Variants in TBC1D1 observed in about 807,000 individuals in gnomAD.
TBC1D1 encodes TBC1 domain family member 1.
TBC1D1 carries 89 observed loss-of-function variants against 125.6 expected under a neutral mutation model. That is an observed-to-expected ratio of 0.71 (90% CI 0.60 to 0.85). TBC1D1 has a LOEUF of 0.85. TBC1D1 is among the 40% of genes least tolerant of loss of function. The pLI is 0.00. For synonymous variants in TBC1D1, 565 were observed against 564.1 expected, an observed-to-expected ratio of 1.00 and a Z score of -0.02; for missense variants, 1,377 against 1,469.2, an observed-to-expected ratio of 0.94 and a Z score of 1.03.
intron 7 of TBC1D1, among the ~76,000 whole-genome samples, chr4:38,028,582 A>G (rs905755119): frequency 2.0e-5 from 3 of 152,264 alleles, no homozygotes; most frequent in Admixed American, 6.5e-5. Context: ...TAGAGTGTCC[A>G]GGTCAGAATT....
At chr4:38,070,102 C>T (rs1374425855) in intron 12 of TBC1D1, among the ~76,000 whole-genome samples, 4 of 152,082 alleles carry the variant, frequency 2.6e-5, no homozygotes, top group Non-Finnish European at 5.9e-5. Flanking sequence ...GCTTGTCAAC[C>T]GAAGGCAGAA....
chr4:38,119,298 T>G (rs1352073048), intron 17 of TBC1D1, among the ~76,000 whole-genome samples: 1 of 150,218 alleles, frequency 6.7e-6, no homozygotes, highest in Non-Finnish European at 1.5e-5. Flanking sequence ...TTTACCCTTC[T>G]TCTCTCTTTT....
chr4:38,060,776 GTCT>G, intron 12 of TBC1D1: 3 of 563,508 alleles, frequency 5.3e-6, no homozygotes, highest in Non-Finnish European at 8.3e-6. Flanking sequence ...TGTGCTTGGA[GTCT>G]TCTGGAAATC....
At chr4:38,131,839 A>T (rs1463765459) in intron 18 of TBC1D1, among the ~76,000 whole-genome samples, 1 of 152,230 alleles carries the variant, frequency 6.6e-6, no homozygotes, top group African/African-American at 2.4e-5. Context: ...CCTCGCACAC[A>T]TGCACACACA....
chr4:37,986,410 C>T (rs1735461434), intron 2 of TBC1D1, among the ~76,000 whole-genome samples: 1 of 152,166 alleles, frequency 6.6e-6, no homozygotes, highest in South Asian at 2.1e-4. Context: ...CTATGCACAT[C>T]TATCAAACAA....
chr4:37,994,259 A>G (rs1737275050), intron 2 of TBC1D1, among the ~76,000 whole-genome samples: 1 of 152,182 alleles, frequency 6.6e-6, no homozygotes, highest in Non-Finnish European at 1.5e-5. Flanking sequence ...GGTTTTTATA[A>G]TATATTCAAA....
At chr4:37,991,273 A>C (rs1020910974) in intron 2 of TBC1D1, among the ~76,000 whole-genome samples, 22 of 152,232 alleles carry the variant, frequency 1.4e-4, no homozygotes, top group Admixed American at 1.2e-3. Flanking sequence ...CCTTCTCAAA[A>C]ACATCATTTT....
At chr4:38,117,713 G>A (rs1358910377) in intron 16 of TBC1D1, among the ~76,000 whole-genome samples, 1 of 152,198 alleles carries the variant, frequency 6.6e-6, no homozygotes, top group African/African-American at 2.4e-5. Flanking sequence ...GTATTTGTAA[G>A]AGAATTTATG....
intron 8 of TBC1D1, among the ~76,000 whole-genome samples, chr4:38,037,752 G>A (rs10222927): frequency 0.029 from 4,345 of 152,290 alleles, 177 homozygotes; most frequent in African/African-American, 0.083. Flanking sequence ...AGTGCTGTGC[G>A]TGTCAGGGTC....
intron 1 of TBC1D1, among the ~76,000 whole-genome samples, chr4:37,895,850 G>A (rs1379167161): frequency 1.3e-5 from 2 of 152,210 alleles, no homozygotes; most frequent in African/African-American, 4.8e-5. Context: ...TCCATGCAAT[G>A]GTGAAACAGC....
intron 12 of TBC1D1, among the ~76,000 whole-genome samples, chr4:38,057,450 G>A (rs1420364807): frequency 1.3e-5 from 2 of 152,156 alleles, no homozygotes; most frequent in African/African-American, 4.8e-5. Flanking sequence ...GCTGCTAAAG[G>A]CAGGCAAGTC....
Position 38,011,340 on chromosome 4 carries a change from C to T in TBC1D1, c.418-3169C>T, listed in dbSNP as rs375256133. Among the ~76,000 whole-genome samples, 10 of 137,660 alleles carry T rather than the reference C, an allele frequency of 7.3e-5. No individual in the cohort carries two copies. In the East Asian group the frequency reaches 1.7e-3, roughly 23 times the overall value. 90.3% of individuals were successfully genotyped at this position (137,660 alleles called of 152,430 possible). A position where few individuals can be genotyped will look rare whatever the true frequency, so the allele number is the denominator to read the frequency against. On this transcript the variant is annotated intron_variant, in intron 2 of 19. Coordinates refer to ENST00000261439, the MANE Select transcript of TBC1D1 (RefSeq NM_015173.4). ...TGCACTCCAGCCTGGGCAACAAGAG[C>T]GAAACTCCATCTCAAAAAAAAAAAA...
At chr4:37,944,509 T>C (rs1726248230) in intron 2 of TBC1D1, among the ~76,000 whole-genome samples, 2 of 152,176 alleles carry the variant, frequency 1.3e-5, no homozygotes, top group East Asian at 1.9e-4. Flanking sequence ...GGCCGCTTTG[T>C]TTACCTACTC....
intron 7 of TBC1D1, 89 bp from the exon 8 acceptor site, chr4:38,035,499 T>C: frequency 1.0e-6 from 1 of 965,410 alleles, no homozygotes; most frequent in Non-Finnish European, 1.6e-6. Flanking sequence ...ACTAGTTTAG[T>C]GGATGGAAGC....
chr4:38,058,386 A>G (rs1752136586), intron 12 of TBC1D1, among the ~76,000 whole-genome samples: 1 of 152,310 alleles, frequency 6.6e-6, no homozygotes, highest in African/African-American at 2.4e-5. Context: ...CTTTCCCCAG[A>G]GGTCCCTGCT....
intron 17 of TBC1D1, among the ~76,000 whole-genome samples, chr4:38,124,419 G>A (rs561886732): frequency 1.3e-5 from 2 of 152,096 alleles, no homozygotes; most frequent in African/African-American, 4.8e-5. Flanking sequence ...CTCCTCAGAG[G>A]GAAAAATGTT....
At chr4:37,913,414 C>G (rs1313258759) in intron 2 of TBC1D1, among the ~76,000 whole-genome samples, 6 of 152,050 alleles carry the variant, frequency 3.9e-5, no homozygotes, top group Non-Finnish European at 8.8e-5. Context: ...GTCTGACCAA[C>G]ATGGAGAAAC....
chr4:38,008,620 A>C (rs1740837138), intron 2 of TBC1D1, among the ~76,000 whole-genome samples: 1 of 152,230 alleles, frequency 6.6e-6, no homozygotes, highest in South Asian at 2.1e-4. Context: ...AGTCATTAGC[A>C]CTTCACCTAT....
rs566861173 is a variant in TBC1D1, at chr4:38,097,462, C to T, written c.2398+1372C>T. On this transcript the variant is annotated intron_variant, in intron 14 of 19. Transcript: ENST00000261439. ...TCACACCATTCTCCTGCCTCAGCCT[C>T]CTGAGTAGCTGGGACTACAGGTGCC... Among the ~76,000 whole-genome samples the T allele has an allele frequency of 3.3e-5, 5 of 152,174 alleles. No homozygotes were observed. The South Asian group carries it at 8.3e-4, about 25-fold the overall frequency.
Sources: allele counts gnomAD v4.1 joint callset (sites outside exome capture counted in the v4.1 genomes callset), GRCh38; gene constraint gnomAD v4.1.1; transcripts MANE v1.5; gene names NCBI Gene and HGNC (gene_info 2026-07-23, HGNC 2026-07-21).